KMT2C: variants seen among roughly 807,000 people sequenced by gnomAD.
KMT2C encodes lysine methyltransferase 2C.
In KMT2C, 88 loss-of-function variants were observed where a neutral mutation model predicts 507.9. The ratio of observed to expected loss-of-function variants is 0.17; its 90% CI spans 0.15 to 0.21. The LOEUF (loss-of-function observed/expected upper bound fraction) is 0.21. KMT2C is among the 10% of genes least tolerant of loss of function. The pLI is 1.00. For missense variants in KMT2C, 4,954 were observed against 5,957.8 expected, an observed-to-expected ratio of 0.83 and a Z score of 5.55; for synonymous variants, 2,049 against 2,080.8, an observed-to-expected ratio of 0.98 and a Z score of 0.42.
chr7:152,144,586 G>A lies in KMT2C; in HGVS notation c.14343+127C>T, dbSNP rs1441951244. On this transcript the variant is annotated intron_variant, in intron 55 of 58. Transcript: ENST00000262189. This position sits in a 1 kb window ranked among gnomAD's most constrained non-coding sequence, Gnocchi z 4.4. ...GTTACCAAGGGACAGGATTTGATAC[G>A]ATTTTGAAAACACGTTTCTGTCCCT... 1.5e-5 allele frequency: 14 copies of A among 928,704 alleles called. No individual in the cohort carries two copies. In the East Asian group the frequency reaches 3.4e-4, roughly 23 times the overall value. 57.5% of individuals were successfully genotyped at this position (928,704 alleles called of 1,614,324 possible). A position where few individuals can be genotyped will look rare whatever the true frequency, so the allele number is the denominator to read the frequency against.
chr7:152,195,555 T>C (rs2093937181), intron 28 of KMT2C: 1 of 984,994 alleles, frequency 1.0e-6, no homozygotes, highest in Non-Finnish European at 1.2e-6. Context: ...ACCTGGAAAG[T>C]GCATAAATCA....
At chr7:152,268,186 G>A (rs961479939) in intron 7 of KMT2C, among the ~76,000 whole-genome samples, 1 of 152,178 alleles carries the variant, frequency 6.6e-6, no homozygotes, top group African/African-American at 2.4e-5. Flanking sequence ...GGCTGAGGCA[G>A]GAGAATCGCT....
At position 152,262,994 on chromosome 7, in the gene KMT2C, A is replaced by T. The variant is rs999670772; in HGVS notation, c.1299+22T>A. The T allele has an allele frequency of 3.2e-6, 5 of 1,559,870 alleles. No individual in the cohort carries two copies. In the African/African-American group the frequency reaches 5.5e-5, roughly 17 times the overall value. On this transcript the variant is annotated intron_variant, in intron 9 of 58. Coordinates refer to ENST00000262189, the MANE Select transcript of KMT2C (RefSeq NM_170606.3). ...ATAAAACATAGAGAGGATTTAAAAA[A>T]ATAAATAAATAAACAACTTACTTTG...
At chr7:152,297,075 G>C (rs192146931) in intron 6 of KMT2C, among the ~76,000 whole-genome samples, 12 of 124,076 alleles carry the variant, frequency 9.7e-5, no homozygotes, top group South Asian at 5.4e-4. Flanking sequence ...GAGAGAGAGA[G>C]AGAGAGAGAG....
Position 152,146,698 on chromosome 7 carries a change from C to T in KMT2C, c.13932G>A (p.Val4644=). ...GCTGGAGCATTTCAGACTTTTTTCTCACACATGCCACAGGCTCCAAAATCT... is the reference window on the plus strand; with the variant it reads ...GCTGGAGCATTTCAGACTTTTTTCTTACACATGCCACAGGCTCCAAAATCT... ...WDKILEPVAC[V]RKKSEMLQLF... is the part of the protein sequence containing the mutation. Residue 4644 remains valine (V), a synonymous_variant, in exon 53 of 59, where the codon GTG becomes GTA. Coordinates refer to ENST00000262189, the MANE Select transcript of KMT2C (RefSeq NM_170606.3). 6.2e-7 allele frequency: 1 copy of T among 1,614,058 alleles called. No homozygotes were observed. Among genetic ancestry groups the T allele is most frequent in the Non-Finnish European group, 8.5e-7 (1 of 1,179,958 alleles).
chr7:152,145,032 GTAGT>G lies in KMT2C; in HGVS notation c.14174+117_14174+120del, dbSNP rs1168245711. On this transcript the variant is annotated intron_variant, in intron 54 of 58. Transcript: ENST00000262189. Reference sequence around the variant, plus strand: ...AGAGACACACGGCGAGTTCTCTTATGTAGTTGGGCACATACACAGCCAGACAGCA... The same window carrying G: ...AGAGACACACGGCGAGTTCTCTTATGTGGGCACATACACAGCCAGACAGCA... The G allele has an allele frequency of 9.4e-6, 13 of 1,388,728 alleles. No individual in the cohort carries two copies. In the East Asian group the frequency reaches 3.0e-4, roughly 32 times the overall value. 86.0% of individuals were successfully genotyped at this position (1,388,728 alleles called of 1,614,324 possible).
Position 152,187,388 on chromosome 7 carries a change from T to C in KMT2C, c.4882A>G (p.Thr1628Ala), listed in dbSNP as rs928695773. The C allele has an allele frequency of 2.5e-6, 4 of 1,614,048 alleles. No individual in the cohort carries two copies. The highest frequency in any genetic ancestry group is 3.4e-6 in the Non-Finnish European group (4 of 1,180,008). ...SAPTVEGEND[T>A]MSNAQRSTLK... The stretch of plus-strand genomic sequence containing the variant: ...GTGCTTCTCTGGGCATTCGACATTG[T>C]GTCATTTTCTCCTTCCACAGTGGGA... The change falls in exon 33 of 59, where the codon ACA becomes GCA. Residue 1628 changes from threonine (T) to alanine (A), a missense_variant. Transcript: ENST00000262189.
intron 9 of KMT2C, among the ~76,000 whole-genome samples, chr7:152,259,222 A>C (rs1433015477): frequency 2.0e-5 from 3 of 152,206 alleles, no homozygotes; most frequent in African/African-American, 7.2e-5. Context: ...TATGAAGGAC[A>C]TAAGATCAAA....
chr7:152,409,022 C>A (rs2097653082), intron 1 of KMT2C, among the ~76,000 whole-genome samples: 1 of 151,640 alleles, frequency 6.6e-6, no homozygotes, highest in Non-Finnish European at 1.5e-5. Flanking sequence ...GAGTTTCCCT[C>A]TGTTACCCAG....
At chr7:152,427,639 A>G (rs1197809485) in intron 1 of KMT2C, among the ~76,000 whole-genome samples, 1 of 152,170 alleles carries the variant, frequency 6.6e-6, no homozygotes, top group Non-Finnish European at 1.5e-5. Context: ...TCATGAGAAT[A>G]TATTCTGATT....
At chr7:152,310,168 A>C in intron 5 of KMT2C, 93 bp from the exon 6 acceptor site, 6 of 777,262 alleles carry the variant, frequency 7.7e-6, no homozygotes, top group Non-Finnish European at 1.1e-5. Context: ...ATCAACTCTA[A>C]TATGTAAATA....
At chr7:152,166,476 A>ACGTT (rs2092732361) in intron 42 of KMT2C, among the ~76,000 whole-genome samples, 1 of 152,184 alleles carries the variant, frequency 6.6e-6, no homozygotes, top group Admixed American at 6.5e-5. Flanking sequence ...TTGGCTCTGA[A>ACGTT]CCCATTTTGT....
intron 1 of KMT2C, among the ~76,000 whole-genome samples, chr7:152,379,762 G>GA: frequency 6.6e-6 from 1 of 152,160 alleles, no homozygotes; most frequent in Non-Finnish European, 1.5e-5. Flanking sequence ...TGACAAGAGA[G>GA]AAAAAATAAG....
intron 6 of KMT2C, among the ~76,000 whole-genome samples, chr7:152,286,361 C>T (rs112638168): frequency 1.7e-3 from 224 of 133,978 alleles, no homozygotes; most frequent in African/African-American, 5.6e-3. Context: ...CACCTAGGCA[C>T]ATCATAGTCA....
rs546261970 is a variant in KMT2C, at chr7:152,136,638, A to C, written c.*194T>G. On this transcript the variant is annotated 3_prime_UTR_variant, in exon 59 of 59. Coordinates refer to ENST00000262189, the MANE Select transcript of KMT2C (RefSeq NM_170606.3). Reference sequence around the variant, plus strand: ...TCCGTTTAACCTCGGCCACTTCAGGAACGCTGCTTCTGTCAGCTTCCTCCT... The same window carrying C: ...TCCGTTTAACCTCGGCCACTTCAGGCACGCTGCTTCTGTCAGCTTCCTCCT... 693 of 581,892 alleles carry C rather than the reference A, an allele frequency of 1.2e-3. 1 individual carries two copies. Among genetic ancestry groups the C allele is most frequent in the Non-Finnish European group, 2.0e-3 (653 of 326,414 alleles). The allele number at this position is 581,892 out of a possible 1,614,324, so 36.0% of individuals were successfully genotyped here.
chr7:152,206,991 T>C (rs1282995867), intron 24 of KMT2C, among the ~76,000 whole-genome samples: 1 of 152,176 alleles, frequency 6.6e-6, no homozygotes, highest in Non-Finnish European at 1.5e-5. Context: ...AGAGGAACTA[T>C]ATAAATGGCC....
intron 42 of KMT2C, among the ~76,000 whole-genome samples, chr7:152,166,811 T>C (rs1222545379): frequency 6.6e-6 from 1 of 152,200 alleles, no homozygotes; most frequent in Non-Finnish European, 1.5e-5. Context: ...AACAGAAACA[T>C]GGTCTTTGCA....
At chr7:152,241,205 T>C (rs1396129348) in intron 14 of KMT2C, among the ~76,000 whole-genome samples, 4 of 152,164 alleles carry the variant, frequency 2.6e-5, no homozygotes, top group African/African-American at 9.7e-5. Context: ...ATTTTCTTTC[T>C]TTCTTTCTTT....
intron 58 of KMT2C, 51 bp from the exon 59 acceptor site, chr7:152,136,975 G>A (rs2089926855): frequency 7.3e-7 from 1 of 1,366,076 alleles, no homozygotes; most frequent in East Asian, 2.3e-5. Flanking sequence ...GAAGGCAATA[G>A]CGTTTCTGCC....
Sources: gnomAD v4.1 joint callset for allele counts (sites outside exome capture counted in the v4.1 genomes callset) on GRCh38, gnomAD v4.1.1 for gene constraint, Gnocchi (gnomAD v3.1) non-coding constraint, MANE v1.5 for transcripts, NCBI Gene and HGNC (gene_info 2026-07-23, HGNC 2026-07-21) for gene names.